Variants in FHIT observed in about 807,000 individuals in gnomAD.
The protein encoded by FHIT is fragile histidine triad diadenosine triphosphatase, also known as bis(5'-adenosyl)-triphosphatase.
In FHIT, 19 loss-of-function variants were observed where a neutral mutation model predicts 17.9. The observed-to-expected ratio is 1.06, with a 90% CI of 0.74 to 1.56. FHIT has a LOEUF of 1.56. Ranked by LOEUF, FHIT falls within the 40% of genes most tolerant of loss-of-function variation. The probability of loss-of-function intolerance (pLI) is 0.00; values close to 1 mark genes in which losing one functional copy is unlikely to be tolerated. For missense variants in FHIT, 248 were observed against 189.2 expected (o/e 1.31, Z -1.82); for synonymous variants, 81 against 69.7 (o/e 1.16, Z -0.81).
At chr3:61,078,799 C>T (rs951644114) in intron 2 of FHIT, among the ~76,000 whole-genome samples, 11 of 152,186 alleles carry the variant, frequency 7.2e-5, no homozygotes, top group Non-Finnish European at 1.5e-4. Context: ...AATTCACTCA[C>T]ATTCAGATAC....
At chr3:60,315,636 T>C (rs1264079881) in intron 5 of FHIT, among the ~76,000 whole-genome samples, 2 of 152,196 alleles carry the variant, frequency 1.3e-5, no homozygotes, top group Non-Finnish European at 2.9e-5. Flanking sequence ...AGATGGTATG[T>C]TTTCATTGCT....
chr3:60,442,163 G>T (rs1294113899), intron 5 of FHIT, among the ~76,000 whole-genome samples: 1 of 151,760 alleles, frequency 6.6e-6, no homozygotes. Context: ...CCCAGCCCTG[G>T]TCACTCTGAA....
intron 8 of FHIT, among the ~76,000 whole-genome samples, chr3:59,803,271 A>AT (rs1232808620): frequency 1.3e-5 from 2 of 152,140 alleles, no homozygotes; most frequent in African/African-American, 4.8e-5. Context: ...GACGAGGTAA[A>AT]TTTTTTTCCC....
At chr3:59,989,865 A>G (rs573102752) in intron 7 of FHIT, among the ~76,000 whole-genome samples, 1 of 152,234 alleles carries the variant, frequency 6.6e-6, no homozygotes, top group East Asian at 1.9e-4. Flanking sequence ...ATAGACAGAC[A>G]GATAAAGAGG....
At chr3:60,775,076 C>T (rs1348551302) in intron 4 of FHIT, among the ~76,000 whole-genome samples, 3 of 152,160 alleles carry the variant, frequency 2.0e-5, no homozygotes, top group African/African-American at 7.2e-5. Context: ...ATTGTTTCAA[C>T]CAGTGCAGCT....
chr3:60,161,680 G>C (rs1700947295), intron 5 of FHIT, among the ~76,000 whole-genome samples: 1 of 151,944 alleles, frequency 6.6e-6, no homozygotes, highest in Non-Finnish European at 1.5e-5. Context: ...ACCTGCATTT[G>C]GGGGAAAAAA....
At chr3:60,139,070 T>C (rs1699930236) in intron 5 of FHIT, among the ~76,000 whole-genome samples, 2 of 152,150 alleles carry the variant, frequency 1.3e-5, no homozygotes, top group African/African-American at 2.4e-5. Context: ...ATACAGAAAG[T>C]TGGCTTCAGT....
intron 3 of FHIT, among the ~76,000 whole-genome samples, chr3:60,975,819 C>G (rs1710208031): frequency 6.6e-6 from 1 of 152,140 alleles, no homozygotes; most frequent in Non-Finnish European, 1.5e-5. Context: ...TAAATTGTCT[C>G]ACAACTCACC....
chr3:60,537,803 G>C (rs1223915658), intron 4 of FHIT, among the ~76,000 whole-genome samples: 2 of 152,130 alleles, frequency 1.3e-5, no homozygotes, highest in Admixed American at 6.5e-5. Context: ...GAATGACTAA[G>C]ACACACTTTG....
rs763530295 is a variant in FHIT at position 60,176,991 on chromosome 3, G to T, written c.104-162839C>A. The stretch of plus-strand genomic sequence containing the variant: ...ATCCAAAGAGGAAGACCAGAAACAG[G>T]AAGAAAAAATACAACATAAAATTGT... On this transcript the variant is annotated intron_variant, in intron 5 of 9. Coordinates refer to ENST00000492590, the MANE Select transcript of FHIT (RefSeq NM_002012.4). Among the ~76,000 whole-genome samples the T allele has an allele frequency of 5.3e-5, 8 of 151,808 alleles. 1 individual carries two copies. In the South Asian group the frequency reaches 8.3e-4, roughly 16 times the overall value.
intron 9 of FHIT, chr3:59,751,771 G>A (rs979312): frequency 2.1e-5 from 5 of 235,612 alleles, no homozygotes; most frequent in Non-Finnish European, 2.5e-5. Context: ...AGTGAAAGCA[G>A]AGGAGTTTGC....
At chr3:60,201,541 C>G (rs1402864685) in intron 5 of FHIT, among the ~76,000 whole-genome samples, 1 of 151,960 alleles carries the variant, frequency 6.6e-6, no homozygotes, top group Non-Finnish European at 1.5e-5. Context: ...ACCCTACCCC[C>G]CAAAAAACCC....
intron 5 of FHIT, among the ~76,000 whole-genome samples, chr3:60,173,904 TA>T (rs1701535681): frequency 8.9e-5 from 7 of 78,358 alleles, no homozygotes; most frequent in East Asian, 7.4e-4. Context: ...TATATATATA[TA>T]TATATATATA....
chr3:60,424,918 A>T (rs999641527), intron 5 of FHIT, among the ~76,000 whole-genome samples: 2 of 152,198 alleles, frequency 1.3e-5, no homozygotes, highest in Admixed American at 1.3e-4. Context: ...TTTTATCAGT[A>T]GTCACCTTCT....
At chr3:60,065,348 G>C (rs1208431330) in intron 5 of FHIT, among the ~76,000 whole-genome samples, 1 of 152,086 alleles carries the variant, frequency 6.6e-6, no homozygotes. Flanking sequence ...ATGTCACCGA[G>C]AGGCTTAACC....
At position 60,307,051 on chromosome 3, in the gene FHIT, C is replaced by T. The variant is rs1434644120; in HGVS notation, c.103+229809G>A. ...CTTCCACATTAAGAAACCATGCCCCCTTTTGACATGACTATCTCTTTCTTC... is the reference window on the plus strand; with the variant it reads ...CTTCCACATTAAGAAACCATGCCCCTTTTTGACATGACTATCTCTTTCTTC... On this transcript the variant is annotated intron_variant, in intron 5 of 9. Coordinates refer to ENST00000492590, the MANE Select transcript of FHIT (RefSeq NM_002012.4). Among the ~76,000 whole-genome samples, 4 of 152,210 alleles carry T rather than the reference C, an allele frequency of 2.6e-5. No homozygotes were observed. The East Asian group carries it at 7.7e-4, about 29-fold the overall frequency.
At chr3:60,506,392 T>C (rs565115051) in intron 5 of FHIT, among the ~76,000 whole-genome samples, 1 of 152,188 alleles carries the variant, frequency 6.6e-6, no homozygotes, top group East Asian at 1.9e-4. Flanking sequence ...TTATCTATAT[T>C]ACAGAGATTG....
At chr3:60,323,782 T>A (rs1709541029) in intron 5 of FHIT, among the ~76,000 whole-genome samples, 1 of 152,168 alleles carries the variant, frequency 6.6e-6, no homozygotes, top group African/African-American at 2.4e-5. Context: ...GCTAACCCTG[T>A]TAACCTTGAA....
intron 8 of FHIT, among the ~76,000 whole-genome samples, chr3:59,898,470 G>T (rs1704176178): frequency 7.0e-6 from 1 of 143,736 alleles, no homozygotes; most frequent in Non-Finnish European, 1.5e-5. Flanking sequence ...GTGTGTGTGT[G>T]TGTGTATTTG....
Sources: gnomAD v4.1 joint callset for allele counts (sites outside exome capture counted in the v4.1 genomes callset) on GRCh38, gnomAD v4.1.1 for gene constraint, MANE v1.5 for transcripts, NCBI Gene and HGNC (gene_info 2026-07-23, HGNC 2026-07-21) for gene names.